Variants in UGT1A5 observed in about 807,000 individuals in gnomAD.
The protein encoded by UGT1A5 is UDP-glucuronosyltransferase 1A5.
A neutral mutation model predicts 40.3 loss-of-function variants in UGT1A5; 29 were observed. That is an observed-to-expected ratio of 0.72 (90% CI 0.54 to 0.98). UGT1A5 has a LOEUF of 0.98. UGT1A5 is among the 50% of genes least tolerant of loss of function. The pLI, the probability that UGT1A5 is intolerant of heterozygous loss-of-function variation, is 0.00. For missense variants in UGT1A5, 678 were observed against 677.9 expected (o/e 1.00, Z 0.00); for synonymous variants, 257 against 262.5 (o/e 0.98, Z 0.20).
intron 1 of UGT1A5, among the ~76,000 whole-genome samples, chr2:233,748,399 G>T (rs1575689614): frequency 6.6e-6 from 1 of 151,790 alleles, no homozygotes; most frequent in East Asian, 1.9e-4. Context: ...AAGGAGCAGG[G>T]ACACTACATT....
Position 233,714,266 on chromosome 2 carries a change from G to T in UGT1A5, c.867+408G>T, listed in dbSNP as rs374255632. On this transcript the variant is annotated intron_variant, in intron 1 of 4. Transcript: ENST00000373414. Reference sequence around the variant, plus strand: ...GAGGAAGGAATAGAAATTTACAATTGTTGACGTGACAATTTTTAGTGGTCC... The same window carrying T: ...GAGGAAGGAATAGAAATTTACAATTTTTGACGTGACAATTTTTAGTGGTCC... Among the ~76,000 whole-genome samples the T allele has an allele frequency of 7.9e-5, 12 of 152,326 alleles. No homozygotes were observed. In the East Asian group the frequency reaches 2.3e-3, roughly 29 times the overall value.
chr2:233,720,454 C>T (rs1295053597), intron 1 of UGT1A5, among the ~76,000 whole-genome samples: 1 of 152,034 alleles, frequency 6.6e-6, no homozygotes, highest in African/African-American at 2.4e-5. Flanking sequence ...CCCAGTGAAG[C>T]TGGGACCAGT....
At chr2:233,733,900 C>G (rs1176536983) in intron 1 of UGT1A5, among the ~76,000 whole-genome samples, 1 of 151,704 alleles carries the variant, frequency 6.6e-6, no homozygotes, top group Non-Finnish European at 1.5e-5. Context: ...CTGTTTGTAC[C>G]TCTCTGGTAG....
rs149047303 is a variant in UGT1A5, at chr2:233,763,705, A to G, written c.868-3329A>G. Among the ~76,000 whole-genome samples, 745 of 152,324 alleles carry G rather than the reference A, an allele frequency of 4.9e-3. 10 individuals carry two copies. Among genetic ancestry groups the G allele is most frequent in the African/African-American group, 0.017 (698 of 41,584 alleles). ...AAGATAAAACTTTTATTGCACAAAG[A>G]AGTCCATAGAGAAAGCACAACCTGG... On this transcript the variant is annotated intron_variant, in intron 1 of 4. Coordinates refer to ENST00000373414, the MANE Select transcript of UGT1A5 (RefSeq NM_019078.2).
chr2:233,727,441 G>T (rs2077617146), intron 1 of UGT1A5, among the ~76,000 whole-genome samples: 1 of 152,130 alleles, frequency 6.6e-6, no homozygotes, highest in African/African-American at 2.4e-5. Flanking sequence ...CATGTGACAA[G>T]AAATCAGATG....
intron 1 of UGT1A5, among the ~76,000 whole-genome samples, chr2:233,763,075 G>T (rs563223055): frequency 6.6e-6 from 1 of 152,130 alleles, no homozygotes; most frequent in Non-Finnish European, 1.5e-5. Flanking sequence ...CCTTCTTTGC[G>T]TGAGGATGTT....
chr2:233,757,542 ATATATATATATATATATATG>A (rs1365992052), intron 1 of UGT1A5, among the ~76,000 whole-genome samples: 3 of 116,804 alleles, frequency 2.6e-5, no homozygotes, highest in East Asian at 2.1e-4. Context: ...AGGAATATAT[ATATATATATATATATATATG>A]TATATATGAT....
intron 1 of UGT1A5, among the ~76,000 whole-genome samples, chr2:233,718,327 CAATG>C (rs1387578184): frequency 6.6e-6 from 1 of 152,204 alleles, no homozygotes; most frequent in East Asian, 1.9e-4. Flanking sequence ...GCTGGCTTAG[CAATG>C]TTGTATGTCT....
In UGT1A5 at chr2:233,725,323, G is replaced by T. The variant is rs1370271039; in HGVS notation, c.867+11465G>T. Among the ~76,000 whole-genome samples the T allele has an allele frequency of 2.0e-5, 2 of 97,652 alleles. 1 individual carries two copies. The highest frequency in any genetic ancestry group is 4.3e-5 in the Non-Finnish European group (2 of 46,066). 64.1% of individuals were successfully genotyped at this position (97,652 alleles called of 152,430 possible). The stretch of plus-strand genomic sequence containing the variant: ...GCAGAGGCAGAGGCAGAGGCGCCTG[G>T]TCAACAATCTTAAGTCCAATAAGAA... On this transcript the variant is annotated intron_variant, in intron 1 of 4. Transcript: ENST00000373414.
At chr2:233,741,258 T>C (rs1466161832) in intron 1 of UGT1A5, among the ~76,000 whole-genome samples, 3 of 151,876 alleles carry the variant, frequency 2.0e-5, no homozygotes, top group African/African-American at 7.3e-5. Context: ...ATGCCACTCT[T>C]TGCTGACCAC....
Position 233,772,257 on chromosome 2 carries a change from T to C in UGT1A5, c.1308-5T>C. ...CAGGCATAACGAAACTGTCTTTGTGTTTAGTTACAAGGAGAACATCATGCG... is the reference window on the plus strand; with the variant it reads ...CAGGCATAACGAAACTGTCTTTGTGCTTAGTTACAAGGAGAACATCATGCG... On this transcript the variant is annotated splice_polypyrimidine_tract_variant and splice_region_variant and intron_variant, in intron 4 of 4. Transcript: ENST00000373414. 2 of 1,614,220 alleles carry C rather than the reference T, an allele frequency of 1.2e-6. No individual in the cohort carries two copies. Among genetic ancestry groups the C allele is most frequent in the Non-Finnish European group, 1.7e-6 (2 of 1,180,042 alleles).
At chr2:233,756,024 C>T (rs151069909) in intron 1 of UGT1A5, 1 of 152,170 alleles carries the variant, frequency 6.6e-6, no homozygotes, top group African/African-American at 2.4e-5. Flanking sequence ...ATTACACATC[C>T]CCCATGTAGC....
chr2:233,758,119 CATAAAT>C (rs775438808), intron 1 of UGT1A5, among the ~76,000 whole-genome samples: 2 of 152,188 alleles, frequency 1.3e-5, no homozygotes, highest in Admixed American at 6.5e-5. Flanking sequence ...TCACACGTTC[CATAAAT>C]ATTTGGCAGA....
intron 1 of UGT1A5, 150 bp downstream of exon 1, chr2:233,714,008 T>A (rs1460602380): frequency 4.9e-5 from 75 of 1,532,242 alleles, no homozygotes; most frequent in Non-Finnish European, 6.4e-5. Context: ...TGAGATAAAC[T>A]TTTAAAGGGT....
intron 1 of UGT1A5, chr2:233,755,910 A>C (rs1252525299): frequency 2.6e-5 from 4 of 151,394 alleles, no homozygotes; most frequent in African/African-American, 7.3e-5. Flanking sequence ...AAATGTAGTG[A>C]GAAGAGTGGC....
At chr2:233,719,240 C>A in intron 1 of UGT1A5, 8 of 1,614,156 alleles carry the variant, frequency 5.0e-6, no homozygotes, top group African/African-American at 1.3e-5. Flanking sequence ...TGATCAGGCA[C>A]CTGAATGCTA....
intron 1 of UGT1A5, chr2:233,747,179 G>A: frequency 3.7e-6 from 6 of 1,601,464 alleles, no homozygotes; most frequent in Non-Finnish European, 3.4e-6. Context: ...GCACAGCGTG[G>A]GGTGGACAGT....
chr2:233,735,509 C>A lies in UGT1A5; in HGVS notation c.867+21651C>A, dbSNP rs185084136. Among the ~76,000 whole-genome samples the A allele has an allele frequency of 5.3e-4, 81 of 152,270 alleles. No homozygotes were observed. The East Asian group carries it at 0.013, about 24-fold the overall frequency. On this transcript the variant is annotated intron_variant, in intron 1 of 4. Coordinates refer to ENST00000373414, the MANE Select transcript of UGT1A5 (RefSeq NM_019078.2). ...TTAATTGCAGCATTTAGCCCATTTA[C>A]ATTTAAGGTAAATATTGTTATGAGT...
intron 1 of UGT1A5, among the ~76,000 whole-genome samples, chr2:233,759,570 T>G (rs2125974184): frequency 6.6e-6 from 1 of 152,070 alleles, no homozygotes; most frequent in African/African-American, 2.4e-5. Flanking sequence ...TTCTGGTCAT[T>G]CTCTACCCCA....
Sources: allele counts gnomAD v4.1 joint callset (sites outside exome capture counted in the v4.1 genomes callset), GRCh38; gene constraint gnomAD v4.1.1; transcripts MANE v1.5; gene names NCBI Gene and HGNC (gene_info 2026-07-23, HGNC 2026-07-21).